The following JMJD1C variants were observed in gnomAD, a reference collection of about 807,000 sequenced individuals.
JMJD1C encodes the protein jumonji domain-containing protein 1C.
Under a neutral mutation model 245.3 loss-of-function variants are expected in JMJD1C, and 31 were observed. The observed-to-expected ratio is 0.13, with a 90% CI of 0.09 to 0.17. The LOEUF (loss-of-function observed/expected upper bound fraction) is 0.17, where lower values mean the gene tolerates loss of function less well. JMJD1C is among the 10% of genes least tolerant of loss of function. The pLI is 1.00. For missense variants in JMJD1C, 2,691 were observed against 3,000.2 expected, an observed-to-expected ratio of 0.90 and a Z score of 2.41; for synonymous variants, 1,057 against 1,017.4, an observed-to-expected ratio of 1.04 and a Z score of -0.74.
intron 1 of JMJD1C, among the ~76,000 whole-genome samples, chr10:63,383,681 C>G (rs182545736): frequency 3.3e-5 from 5 of 152,156 alleles, no homozygotes; most frequent in African/African-American, 9.7e-5. Context: ...GCCTACGTGA[C>G]AGAGCAAGAC....
At chr10:63,345,434 G>C (rs571693437) in intron 2 of JMJD1C, among the ~76,000 whole-genome samples, 6 of 148,020 alleles carry the variant, frequency 4.1e-5, no homozygotes, top group African/African-American at 1.5e-4. Context: ...GTTGCAGTGA[G>C]CCAAGATTGT....
At chr10:63,332,996 A>G (rs1391252349) in intron 2 of JMJD1C, among the ~76,000 whole-genome samples, 1 of 152,138 alleles carries the variant, frequency 6.6e-6, no homozygotes, top group African/African-American at 2.4e-5. Context: ...AAAAAAGCAA[A>G]CCTGTATATT....
rs763922279 is a variant in JMJD1C at position 63,208,289 on chromosome 10, G to C, written c.3380C>G (p.Ala1127Gly). ...AGTTTGAGGATTAGCTGCTGCCGCTGCAAGGGCATTACTCTGTTTATCACC... is the reference window on the plus strand; with the variant it reads ...AGTTTGAGGATTAGCTGCTGCCGCTCCAAGGGCATTACTCTGTTTATCACC... ...IYGDKQSNAL[A>G]AAAANPQTLT... The change falls in exon 10 of 26, where the codon GCA (alanine) becomes GGA (glycine). Residue 1127 changes from alanine to glycine, a missense_variant. Physicochemically the swap from Ala to Gly is moderately conservative, Grantham distance 60 (BLOSUM62 0). This residue lies in a region of JMJD1C where 1,562 missense variants were observed against 1,490.7 expected (regional missense o/e 1.05). Coordinates refer to ENST00000399262, the MANE Select transcript of JMJD1C (RefSeq NM_032776.3). 6.8e-6 allele frequency: 11 copies of C among 1,613,950 alleles called. No individual in the cohort carries two copies. Among genetic ancestry groups the C allele is most frequent in the Non-Finnish European group, 9.3e-6 (11 of 1,179,992 alleles).
intron 1 of JMJD1C, among the ~76,000 whole-genome samples, chr10:63,439,138 T>C (rs1448529931): frequency 1.3e-5 from 2 of 152,216 alleles, no homozygotes; most frequent in Non-Finnish European, 2.9e-5. Flanking sequence ...ACACTGATAT[T>C]TGAAGATGCT....
At chr10:63,335,353 C>T (rs1373688755) in intron 2 of JMJD1C, among the ~76,000 whole-genome samples, 2 of 152,192 alleles carry the variant, frequency 1.3e-5, no homozygotes, top group Non-Finnish European at 2.9e-5. Context: ...AAGACCTCTG[C>T]ACTACCATAT....
At chr10:63,329,328 T>C (rs1335241454) in intron 2 of JMJD1C, among the ~76,000 whole-genome samples, 3 of 149,746 alleles carry the variant, frequency 2.0e-5, no homozygotes, top group Non-Finnish European at 4.5e-5. Flanking sequence ...AATTAAAGAC[T>C]AGCATTCATC....
At chr10:63,278,434 G>GA (rs1857034970) in intron 2 of JMJD1C, among the ~76,000 whole-genome samples, 1 of 151,510 alleles carries the variant, frequency 6.6e-6, no homozygotes, top group South Asian at 2.1e-4. Context: ...GCTGAGGCAG[G>GA]AATCGCTTGA....
chr10:63,326,499 A>G (rs1310621196), intron 2 of JMJD1C, among the ~76,000 whole-genome samples: 3 of 152,202 alleles, frequency 2.0e-5, no homozygotes, highest in Non-Finnish European at 4.4e-5. Flanking sequence ...CTGCCTATAA[A>G]GCCTAACATG....
chr10:63,465,593 G>C lies in JMJD1C; in HGVS notation c.70C>G (p.Arg24Gly). 6.2e-7 allele frequency: 1 copy of C among 1,609,592 alleles called. No individual in the cohort carries two copies. Among genetic ancestry groups the C allele is most frequent in the Non-Finnish European group, 8.5e-7 (1 of 1,179,872 alleles). The part of the protein sequence containing the change: ...FLCVAVGDEA[R>G]SERWESGRGW... Reference sequence around the variant, plus strand: ...CGTCCGCTCTCCCAGCGCTCCGAACGTGCCTCGTCGCCGACCGCCACACAC... The same window carrying C: ...CGTCCGCTCTCCCAGCGCTCCGAACCTGCCTCGTCGCCGACCGCCACACAC... Residue 24 changes from arginine to glycine, a missense_variant, in exon 1 of 26, where the codon CGT becomes GGT. Coordinates refer to ENST00000399262, the MANE Select transcript of JMJD1C (RefSeq NM_032776.3).
At chr10:63,182,884 G>GA (rs1454513757) in intron 22 of JMJD1C, among the ~76,000 whole-genome samples, 93 of 99,112 alleles carry the variant, frequency 9.4e-4, no homozygotes, top group Middle Eastern at 5.7e-3. Flanking sequence ...TTTTTGAGAT[G>GA]GAGTTTTGCT....
chr10:63,452,924 G>C (rs1023385820), intron 1 of JMJD1C, among the ~76,000 whole-genome samples: 1 of 152,170 alleles, frequency 6.6e-6, no homozygotes, highest in Non-Finnish European at 1.5e-5. Context: ...ACAATGGATA[G>C]TACTGATAAT....
At chr10:63,268,158 T>C (rs114708525) in intron 2 of JMJD1C, among the ~76,000 whole-genome samples, 2 of 140,472 alleles carry the variant, frequency 1.4e-5, no homozygotes, top group African/African-American at 2.7e-5. Context: ...AATACTAATA[T>C]AAATCTCACC....
intron 2 of JMJD1C, among the ~76,000 whole-genome samples, chr10:63,266,110 A>G (rs949017880): frequency 1.9e-4 from 29 of 152,082 alleles, no homozygotes; most frequent in African/African-American, 6.3e-4. Flanking sequence ...TGCTATCTAC[A>G]TCATGAAGTT....
intron 1 of JMJD1C, among the ~76,000 whole-genome samples, chr10:63,513,709 G>A (rs1047279491): frequency 6.6e-6 from 1 of 152,052 alleles, no homozygotes; most frequent in Non-Finnish European, 1.5e-5. Context: ...TCAGGAGATC[G>A]AGACCATCCT....
intron 2 of JMJD1C, among the ~76,000 whole-genome samples, chr10:63,278,597 G>T (rs1000217665): frequency 6.6e-6 from 1 of 151,794 alleles, no homozygotes; most frequent in South Asian, 2.1e-4. Context: ...GTTGCCGAGC[G>T]TGTGATCCCA....
chr10:63,369,512 G>A (rs752611295), intron 2 of JMJD1C, among the ~76,000 whole-genome samples: 4 of 152,174 alleles, frequency 2.6e-5, no homozygotes, highest in Admixed American at 6.6e-5. Flanking sequence ...TGGTAAATCC[G>A]GGGGAAAATG....
At chr10:63,292,846 A>G (rs752233323) in intron 2 of JMJD1C, among the ~76,000 whole-genome samples, 2 of 152,018 alleles carry the variant, frequency 1.3e-5, no homozygotes, top group Non-Finnish European at 2.9e-5. Flanking sequence ...GGAGTTAGAG[A>G]CCAGCCTGGC....
At chr10:63,305,177 G>A (rs955596496) in intron 2 of JMJD1C, among the ~76,000 whole-genome samples, 2 of 151,674 alleles carry the variant, frequency 1.3e-5, no homozygotes, top group African/African-American at 4.8e-5. Context: ...GACCATCCTC[G>A]CCCACATGGT....
Position 63,506,895 on chromosome 10 carries a change from G to C in JMJD1C, n.113+14843C>G, listed in dbSNP as rs117186521. Among the ~76,000 whole-genome samples the C allele has an allele frequency of 3.3e-5, 5 of 151,214 alleles. No individual in the cohort carries two copies. In the East Asian group the frequency reaches 9.6e-4, roughly 29 times the overall value. The stretch of plus-strand genomic sequence containing the variant: ...TAGTACTGTACATAATAGTTTCATT[G>C]CCCTAAAAACCCTGTTCTCTGATTA... On this transcript the variant is annotated intron_variant and non_coding_transcript_variant, in intron 1 of 3. Coordinates refer to the JMJD1C transcript ENST00000633035.
Sources: allele counts gnomAD v4.1 joint callset (sites outside exome capture counted in the v4.1 genomes callset), GRCh38; gene constraint gnomAD v4.1.1; regional missense constraint gnomAD v4.1.1; transcripts MANE v1.5; gene names NCBI Gene and HGNC (gene_info 2026-07-23, HGNC 2026-07-21).